FOXP2: variants seen among roughly 807,000 people sequenced by gnomAD.
FOXP2 encodes the protein forkhead box protein P2.
In FOXP2, 12 loss-of-function variants were observed where a neutral mutation model predicts 115.8. The observed-to-expected ratio is 0.10, with a 90% CI of 0.07 to 0.17. FOXP2 has a LOEUF of 0.17. Ranked by LOEUF, FOXP2 falls within the 10% of genes least tolerant of loss-of-function variation. The pLI is 1.00. For synonymous variants in FOXP2, 328 were observed against 297.7 expected, an observed-to-expected ratio of 1.10 and a Z score of -1.05; for missense variants, 629 against 843.5, an observed-to-expected ratio of 0.75 and a Z score of 3.15.
At chr7:114,334,158 G>T (rs886946565) in intron 2 of FOXP2, among the ~76,000 whole-genome samples, 1 of 151,924 alleles carries the variant, frequency 6.6e-6, no homozygotes, top group African/African-American at 2.4e-5. Context: ...AAATACCTTG[G>T]ATTATACATT....
chr7:114,385,919 A>G (rs373393958), intron 2 of FOXP2, among the ~76,000 whole-genome samples: 1 of 152,284 alleles, frequency 6.6e-6, no homozygotes, highest in East Asian at 1.9e-4. Context: ...AAGGAATGGA[A>G]TCTTGGGCCA....
chr7:114,109,617 A>G (rs1317202354), intron 1 of FOXP2, among the ~76,000 whole-genome samples: 1 of 152,110 alleles, frequency 6.6e-6, no homozygotes, highest in East Asian at 1.9e-4. Flanking sequence ...AAAATGCTGT[A>G]TGCTTTATAT....
intron 16 of FOXP2, among the ~76,000 whole-genome samples, chr7:114,681,237 G>A (rs1268074072): frequency 6.6e-6 from 1 of 152,028 alleles, no homozygotes; most frequent in African/African-American, 2.4e-5. Flanking sequence ...TATGTTATTG[G>A]CTTTTCCTGT....
At chr7:114,441,075 A>C (rs1249266730) in intron 2 of FOXP2, among the ~76,000 whole-genome samples, 1 of 152,174 alleles carries the variant, frequency 6.6e-6, no homozygotes, top group East Asian at 1.9e-4. Flanking sequence ...AACTCCAATA[A>C]ATGTCCTGTT....
intron 1 of FOXP2, among the ~76,000 whole-genome samples, chr7:114,176,678 T>C (rs936606114): frequency 6.6e-6 from 1 of 150,940 alleles, no homozygotes; most frequent in African/African-American, 2.4e-5. Flanking sequence ...TTTTTTTTTT[T>C]TTTTTGTAAG....
rs566407438 is a variant in FOXP2 at position 114,593,022 on chromosome 7, CAAT to C, written c.259-35515_259-35513del. Among the ~76,000 whole-genome samples, 190 of 151,934 alleles carry C rather than the reference CAAT, an allele frequency of 1.3e-3. 1 individual carries two copies. The highest frequency in any genetic ancestry group is 4.2e-3 in the African/African-American group (176 of 41,484). ...TCACACAGTTCCTTGGCTTCTATAT[CAAT>C]AAATTTTATGAGGTTCAAGGTATTG... On this transcript the variant is annotated intron_variant, in intron 3 of 16. Transcript: ENST00000350908.
intron 2 of FOXP2, among the ~76,000 whole-genome samples, chr7:114,312,015 A>G (rs866415485): frequency 4.6e-5 from 7 of 152,264 alleles, no homozygotes; most frequent in South Asian, 2.1e-4. Context: ...AGGAGGTTGC[A>G]GCAGAAGCCA....
At chr7:114,242,080 A>G (rs1176866876) in intron 1 of FOXP2, among the ~76,000 whole-genome samples, 2 of 150,594 alleles carry the variant, frequency 1.3e-5, no homozygotes, top group African/African-American at 4.9e-5. Flanking sequence ...TCTGAAGGCA[A>G]GAAGAGCTGT....
intron 1 of FOXP2, among the ~76,000 whole-genome samples, chr7:114,198,144 A>G (rs1473493758): frequency 1.3e-5 from 2 of 152,114 alleles, no homozygotes; most frequent in Non-Finnish European, 2.9e-5. Flanking sequence ...GATTACAGGC[A>G]TGAGCTACCG....
intron 3 of FOXP2, among the ~76,000 whole-genome samples, chr7:114,593,099 AGTT>A (rs1802518818): frequency 1.3e-5 from 2 of 151,926 alleles, no homozygotes; most frequent in South Asian, 2.1e-4. Flanking sequence ...GGTTTCTTTC[AGTT>A]GTTTTTTAAA....
upstream of FOXP2, among the ~76,000 whole-genome samples, chr7:114,159,502 G>GAA (rs3086369): frequency 0.86 from 130,335 of 151,382 alleles, 56,521 homozygotes; most frequent in Non-Finnish European, 0.92. Context: ...TAATGAAAAA[G>GAA]AAAAAAACAG....
intron 1 of FOXP2, among the ~76,000 whole-genome samples, chr7:114,091,652 T>C (rs2129139143): frequency 6.6e-6 from 1 of 152,070 alleles, no homozygotes; most frequent in South Asian, 2.1e-4. Context: ...GATTTACAGC[T>C]GGATTCACTT....
intron 2 of FOXP2, among the ~76,000 whole-genome samples, chr7:114,533,793 A>C (rs572270654): frequency 6.6e-6 from 1 of 151,952 alleles, no homozygotes; most frequent in South Asian, 2.1e-4. Context: ...TTTACTATGC[A>C]TTTTGGTCTA....
intron 8 of FOXP2, among the ~76,000 whole-genome samples, chr7:114,647,123 G>A (rs763658517): frequency 2.0e-4 from 30 of 151,698 alleles, no homozygotes; most frequent in Non-Finnish European, 3.5e-4. Flanking sequence ...TTACAGCTTC[G>A]ACTTTAATTT....
intron 3 of FOXP2, among the ~76,000 whole-genome samples, chr7:114,573,068 G>T (rs1801400888): frequency 6.6e-6 from 1 of 151,906 alleles, no homozygotes; most frequent in Admixed American, 6.6e-5. Flanking sequence ...GTGAGGTCTG[G>T]TATGGCTGGT....
intron 2 of FOXP2, chr7:114,463,117 C>T (rs967553148): frequency 9.6e-6 from 4 of 416,156 alleles, no homozygotes; most frequent in Non-Finnish European, 1.9e-5. Flanking sequence ...CAACCTGGAA[C>T]TCCTGGGCTC....
chr7:114,555,347 T>C (rs1800404738), intron 3 of FOXP2, among the ~76,000 whole-genome samples: 1 of 152,210 alleles, frequency 6.6e-6, no homozygotes, highest in African/African-American at 2.4e-5. Context: ...ACAGATAATA[T>C]AGTGCCTCTT....
chr7:114,342,874 A>G (rs2129184550), intron 2 of FOXP2, among the ~76,000 whole-genome samples: 1 of 151,700 alleles, frequency 6.6e-6, no homozygotes, highest in Admixed American at 6.6e-5. Context: ...TTGTCATATC[A>G]AACCAATTTA....
intron 4 of FOXP2, chr7:114,629,443 C>G (rs1379302432): frequency 4.4e-6 from 3 of 684,376 alleles, no homozygotes; most frequent in Admixed American, 2.9e-5. Context: ...ATTGAGCAAC[C>G]TGATTTTATG....
Sources: allele counts gnomAD v4.1 joint callset (sites outside exome capture counted in the v4.1 genomes callset), GRCh38; gene constraint gnomAD v4.1.1; transcripts MANE v1.5; gene names NCBI Gene and HGNC (gene_info 2026-07-23, HGNC 2026-07-21).